RMDN2: variants seen among roughly 807,000 people sequenced by gnomAD.
RMDN2 encodes regulator of microtubule dynamics protein 2.
A neutral mutation model predicts 52.8 loss-of-function variants in RMDN2; 61 were observed. The observed-to-expected ratio is 1.16, with a 90% CI of 0.94 to 1.43. The LOEUF is 1.43. Ranked by LOEUF, RMDN2 falls within the 40% of genes most tolerant of loss-of-function variation. RMDN2 has a pLI of 0.00. For missense variants in RMDN2, 592 were observed against 475.3 expected (o/e 1.25, Z -2.28); for synonymous variants, 180 against 153.1 (o/e 1.18, Z -1.30).
At position 38,046,691 on chromosome 2, in the gene RMDN2, A is replaced by G. The variant is rs190275552; in HGVS notation, c.1714-20291A>G. 8.7e-4 allele frequency among the ~76,000 whole-genome samples: 132 copies of G among 152,340 alleles called. 1 individual carries two copies. The highest frequency in any genetic ancestry group is 3.4e-3 in the Middle Eastern group (1 of 294). ...TTAATAGCTAACTTCTCATTAAAAA[A>G]ATAAGAATCCAGGCCCGGTGCGGTG... On this transcript the variant is annotated intron_variant, in intron 10 of 10. Coordinates refer to the RMDN2 transcript ENST00000234195.
Position 37,950,251 on chromosome 2 carries a change from T to C in RMDN2, c.452+20522T>C, listed in dbSNP as rs1226971227. The C allele has an allele frequency of 1.3e-5, 6 of 451,452 alleles. No individual in the cohort carries two copies. The Middle Eastern group carries it at 1.9e-3, about 144-fold the overall frequency. 28.0% of individuals were successfully genotyped at this position (451,452 alleles called of 1,614,324 possible). ...GGTCCAAGGTAAAGGATTGTACAGCTGTCATATATGTTATTGTCCTTATCC... is the reference window on the plus strand; with the variant it reads ...GGTCCAAGGTAAAGGATTGTACAGCCGTCATATATGTTATTGTCCTTATCC... On this transcript the variant is annotated intron_variant, in intron 2 of 10. Coordinates refer to ENST00000354545, the MANE Select transcript of RMDN2 (RefSeq NM_001170791.3).
At position 37,951,018 on chromosome 2, in the gene RMDN2, A is replaced by G. The variant is rs1668709955; in HGVS notation, c.452+21289A>G. Among the ~76,000 whole-genome samples, 3 of 152,106 alleles carry G rather than the reference A, an allele frequency of 2.0e-5. No homozygotes were observed. The South Asian group carries it at 6.2e-4, about 32-fold the overall frequency. ...GTGGGTAGGTACTGTGTAGGTAGAG[A>G]TAACCTCTTAGACTCCCGCATTCTT... is the stretch of plus-strand genomic sequence containing the variant. On this transcript the variant is annotated intron_variant, in intron 2 of 10. Transcript: ENST00000354545.
chr2:37,925,999 A>G (rs1666247577), intron 1 of RMDN2, among the ~76,000 whole-genome samples: 1 of 152,264 alleles, frequency 6.6e-6, no homozygotes, highest in African/African-American at 2.4e-5. Context: ...ACCTGATGAA[A>G]TGAACAATAG....
intron 2 of RMDN2, among the ~76,000 whole-genome samples, chr2:37,933,772 G>C (rs1185713224): frequency 6.6e-6 from 1 of 150,414 alleles, no homozygotes; most frequent in East Asian, 1.9e-4. Context: ...GAAAGAGAGG[G>C]AGAGAGAGAC....
intron 2 of RMDN2, among the ~76,000 whole-genome samples, chr2:37,941,959 A>T (rs995218596): frequency 1.5e-5 from 2 of 135,270 alleles, no homozygotes; most frequent in Non-Finnish European, 3.2e-5. Context: ...AAAAAAAAAA[A>T]TTCCTGCAGC....
chr2:38,000,663 TGA>T (rs1676193636), intron 8 of RMDN2, among the ~76,000 whole-genome samples: 1 of 152,248 alleles, frequency 6.6e-6, no homozygotes, highest in African/African-American at 2.4e-5. Context: ...TTCATTTTAT[TGA>T]GTGTATCAGC....
intron 10 of RMDN2, among the ~76,000 whole-genome samples, chr2:38,056,772 G>A (rs1218529526): frequency 1.3e-5 from 2 of 152,216 alleles, no homozygotes; most frequent in Non-Finnish European, 2.9e-5. Flanking sequence ...CAATTAGGAA[G>A]AAGAACTTAA....
chr2:38,016,649 C>G (rs758040626), intron 10 of RMDN2, among the ~76,000 whole-genome samples: 1 of 152,048 alleles, frequency 6.6e-6, no homozygotes. Context: ...CAGCCCTAAC[C>G]TTTATAGGTG....
In RMDN2 at chr2:37,997,444, A is replaced by G. The variant is rs1317238605; in HGVS notation, c.974A>G (p.Lys325Arg). 1 of 1,613,886 alleles carries G rather than the reference A, an allele frequency of 6.2e-7. No homozygotes were observed. The highest frequency in any genetic ancestry group is 8.5e-7 in the Non-Finnish European group (1 of 1,179,836). The change falls in exon 8 of 11, where the codon AAA (lysine) becomes AGA (arginine). Residue 325 changes from lysine to arginine, a missense_variant. Coordinates refer to ENST00000354545, the MANE Select transcript of RMDN2 (RefSeq NM_001170791.3). ...TCAAAACTGAGCTGGATTGAGAAAA[A>G]AATGGCTGCTACTCTGTTTGGAAAA... ...TVSKLSWIEKKMAATLFGKIP... is the reference protein window; with the variant it reads ...TVSKLSWIEKRMAATLFGKIP...
chr2:37,924,608 C>T (rs995478693), upstream of RMDN2, among the ~76,000 whole-genome samples: 8 of 151,968 alleles, frequency 5.3e-5, no homozygotes, highest in African/African-American at 1.9e-4. Context: ...CTCAGGTGAT[C>T]CGCCTGCCTC....
intron 6 of RMDN2, 25 bp from the exon 7 acceptor site, chr2:37,991,195 A>C: frequency 7.0e-7 from 1 of 1,421,596 alleles, no homozygotes; most frequent in Non-Finnish European, 9.7e-7. Flanking sequence ...TTGGGAGATG[A>C]TTTTCCTTTG....
intron 8 of RMDN2, chr2:37,997,717 A>G (rs1675762505): frequency 3.8e-6 from 2 of 520,836 alleles, no homozygotes; most frequent in Non-Finnish European, 6.8e-6. Flanking sequence ...GTTATGCCCT[A>G]GGTTCTAGGA....
At chr2:38,035,406 A>G (rs1291321634) in intron 10 of RMDN2, among the ~76,000 whole-genome samples, 1 of 152,218 alleles carries the variant, frequency 6.6e-6, no homozygotes, top group African/African-American at 2.4e-5. Context: ...TAAAATTCCA[A>G]TACAAATACC....
At chr2:38,020,803 G>T (rs1163480258), downstream of RMDN2, among the ~76,000 whole-genome samples, 5 of 151,142 alleles carry the variant, frequency 3.3e-5, no homozygotes, top group African/African-American at 1.2e-4. Context: ...CCGCCTCCTT[G>T]GGCTCCTGTG....
At chr2:38,066,701 T>C (rs975521580) in intron 10 of RMDN2, among the ~76,000 whole-genome samples, 1 of 152,244 alleles carries the variant, frequency 6.6e-6, no homozygotes, top group African/African-American at 2.4e-5. Context: ...CTCTGTTGGA[T>C]TGATTGGGTA....
intron 2 of RMDN2, among the ~76,000 whole-genome samples, chr2:37,971,888 A>G (rs1011064735): frequency 1.1e-4 from 16 of 152,174 alleles, no homozygotes; most frequent in African/African-American, 2.4e-4. Context: ...AAAAATTCCT[A>G]TTAGGCTTAT....
intron 10 of RMDN2, among the ~76,000 whole-genome samples, chr2:38,045,348 C>A (rs1285432576): frequency 6.6e-6 from 1 of 152,178 alleles, no homozygotes; most frequent in African/African-American, 2.4e-5. Context: ...AACACTCTTA[C>A]ACTCTTAGCA....
chr2:37,989,940 G>A (rs1674537941), intron 6 of RMDN2, among the ~76,000 whole-genome samples: 1 of 151,710 alleles, frequency 6.6e-6, no homozygotes, highest in South Asian at 2.1e-4. Context: ...TCAGGAGATT[G>A]AGACCATCCT....
At chr2:37,931,687 A>T (rs960345675) in intron 2 of RMDN2, among the ~76,000 whole-genome samples, 1 of 152,262 alleles carries the variant, frequency 6.6e-6, no homozygotes, top group African/African-American at 2.4e-5. Context: ...GAAGATAATT[A>T]TGGGACTTAA....
Sources: gnomAD v4.1 joint callset for allele counts (sites outside exome capture counted in the v4.1 genomes callset) on GRCh38, gnomAD v4.1.1 for gene constraint, MANE v1.5 for transcripts, NCBI Gene and HGNC (gene_info 2026-07-23, HGNC 2026-07-21) for gene names.